The following RPS6KA2 variants were observed in gnomAD, a reference collection of about 807,000 sequenced individuals.
RPS6KA2 encodes ribosomal protein S6 kinase alpha-2.
Under a neutral mutation model 91.8 loss-of-function variants are expected in RPS6KA2, and 42 were observed. The observed-to-expected ratio is 0.46, with a 90% confidence interval of 0.36 to 0.59. The LOEUF (loss-of-function observed/expected upper bound fraction) is 0.59, where lower values mean the gene tolerates loss of function less well. RPS6KA2 is among the 20% of genes least tolerant of loss of function. The probability of loss-of-function intolerance (pLI) is 0.00; values close to 1 mark genes in which losing one functional copy is unlikely to be tolerated. For missense variants in RPS6KA2, 798 were observed against 978.5 expected (o/e 0.82, Z 2.46); for synonymous variants, 414 against 393.6 (o/e 1.05, Z -0.61).
chr6:166,720,107 T>G (rs1790130787), intron 2 of RPS6KA2, among the ~76,000 whole-genome samples: 1 of 152,246 alleles, frequency 6.6e-6, no homozygotes. Context: ...GATTCCTCAT[T>G]GAAATAATTC....
At chr6:166,539,450 G>A (rs1030150262) in intron 1 of RPS6KA2, among the ~76,000 whole-genome samples, 4 of 152,180 alleles carry the variant, frequency 2.6e-5, no homozygotes, top group Admixed American at 2.0e-4. Flanking sequence ...GCATATTGAC[G>A]GGTTCCTAGA....
rs1785841475 is a variant in RPS6KA2 at position 166,603,827 on chromosome 6, G to A, written c.99+23094C>T. ...ACTGTTGTTTGCGATAACAAGTCAG[G>A]GGTGTTAGAGGAGCCAAAGACCCCC... On this transcript the variant is annotated intron_variant, in intron 1 of 20. Transcript: ENST00000265678. This position sits in a 1 kb window ranked among gnomAD's most constrained non-coding sequence, Gnocchi z 4.3. Among the ~76,000 whole-genome samples, 1 of 152,298 alleles carries A rather than the reference G, an allele frequency of 6.6e-6. No homozygotes were observed. Among genetic ancestry groups the A allele is most frequent in the African/African-American group, 2.4e-5 (1 of 41,556 alleles).
chr6:166,719,924 G>T (rs9457196), intron 2 of RPS6KA2, among the ~76,000 whole-genome samples: 6,204 of 152,266 alleles, frequency 0.041, 124 homozygotes, highest in Middle Eastern at 0.065. Flanking sequence ...GTTTCCAGAA[G>T]GAATTTCATG....
At chr6:166,824,182 A>G (rs1779976191) in intron 2 of RPS6KA2, among the ~76,000 whole-genome samples, 1 of 152,222 alleles carries the variant, frequency 6.6e-6, no homozygotes, top group Admixed American at 6.5e-5. Context: ...ACTCCTGCAC[A>G]TGTACCCGAG....
At chr6:166,621,662 G>A (rs1409919712) in intron 1 of RPS6KA2, among the ~76,000 whole-genome samples, 1 of 152,120 alleles carries the variant, frequency 6.6e-6, no homozygotes, top group Non-Finnish European at 1.5e-5. Flanking sequence ...TATTTAATAA[G>A]CACAGATCCT....
At chr6:166,847,039 T>G (rs4710115) in intron 2 of RPS6KA2, among the ~76,000 whole-genome samples, 1 of 151,958 alleles carries the variant, frequency 6.6e-6, no homozygotes, top group East Asian at 1.9e-4. Context: ...AAAAGCTCCT[T>G]TAACTGGTAA....
At chr6:166,475,050 A>G (rs1048027806) in intron 10 of RPS6KA2, among the ~76,000 whole-genome samples, 3 of 152,002 alleles carry the variant, frequency 2.0e-5, no homozygotes, top group African/African-American at 7.3e-5. Context: ...AATCACTCAG[A>G]GTCACCGAGT....
intron 2 of RPS6KA2, among the ~76,000 whole-genome samples, chr6:166,690,261 A>G (rs1417842263): frequency 6.6e-6 from 1 of 152,174 alleles, no homozygotes; most frequent in Non-Finnish European, 1.5e-5. Flanking sequence ...GGGAGTGTCA[A>G]GCTGTCCTTA....
At chr6:166,687,061 C>A (rs1262395905) in intron 2 of RPS6KA2, among the ~76,000 whole-genome samples, 2 of 152,198 alleles carry the variant, frequency 1.3e-5, no homozygotes, top group Non-Finnish European at 2.9e-5. Context: ...GGCATCTGCC[C>A]TGCCTTCACG....
intron 2 of RPS6KA2, among the ~76,000 whole-genome samples, chr6:166,788,793 G>T (rs191046415): frequency 6.6e-6 from 1 of 152,154 alleles, no homozygotes; most frequent in Admixed American, 6.5e-5. Flanking sequence ...CATGACACAT[G>T]TATGTATATG....
At chr6:166,836,411 C>T (rs1361703671) in intron 2 of RPS6KA2, among the ~76,000 whole-genome samples, 1 of 151,212 alleles carries the variant, frequency 6.6e-6, no homozygotes, top group Non-Finnish European at 1.5e-5. Flanking sequence ...AATTAAAAAC[C>T]TTTAATAAAT....
chr6:166,759,056 A>G (rs1778098213), intron 2 of RPS6KA2, among the ~76,000 whole-genome samples: 1 of 148,756 alleles, frequency 6.7e-6, no homozygotes, highest in Non-Finnish European at 1.5e-5. Flanking sequence ...ATCCAGGTCA[A>G]TGTTGCATTC....
intron 3 of RPS6KA2, among the ~76,000 whole-genome samples, chr6:166,515,260 G>A (rs1324420528): frequency 2.0e-5 from 3 of 152,154 alleles, no homozygotes; most frequent in African/African-American, 4.8e-5. Context: ...GCAGGAGGCC[G>A]CTGGTGGAGT....
rs1265712668 is a variant in RPS6KA2 at position 166,448,797 on chromosome 6, T to C, written c.1259A>G (p.Asp420Gly). The change falls in exon 14 of 21, where the codon GAC (aspartate) becomes GGC (glycine). Residue 420 changes from aspartate to glycine, a missense_variant. Coordinates refer to ENST00000265678, the MANE Select transcript of RPS6KA2 (RefSeq NM_021135.6). This position sits in a 1 kb window ranked among gnomAD's most constrained non-coding sequence, Gnocchi z 4.7. ...CACTGAGTAGGAGCCCACCCCGATG[T>C]CCTCCTTGATCTCGTAGCCATCGGT... ...HFTDGYEIKEDIGVGSYSVCK... is the reference protein window; with the variant it reads ...HFTDGYEIKEGIGVGSYSVCK... 1 of 1,613,382 alleles carries C rather than the reference T, an allele frequency of 6.2e-7. No homozygotes were observed. The highest frequency in any genetic ancestry group is 1.3e-5 in the African/African-American group (1 of 74,722).
chr6:166,609,799 G>A (rs997310250), intron 1 of RPS6KA2, among the ~76,000 whole-genome samples: 4 of 151,992 alleles, frequency 2.6e-5, no homozygotes, highest in Admixed American at 6.6e-5. Flanking sequence ...CGTGCCTGGC[G>A]TAAAAGTTTA....
chr6:166,430,415 C>A, intron 16 of RPS6KA2, 38 bp downstream of exon 16: 1 of 1,579,588 alleles, frequency 6.3e-7, no homozygotes, highest in Non-Finnish European at 8.6e-7. Flanking sequence ...CCCTGAAGCT[C>A]CCTCCTCCCC....
rs367814408 is a variant in RPS6KA2, at chr6:166,577,356, T to G, written c.100-38572A>C. 3.3e-5 allele frequency among the ~76,000 whole-genome samples: 5 copies of G among 152,288 alleles called. No individual in the cohort carries two copies. In the East Asian group the frequency reaches 9.7e-4, roughly 29 times the overall value. On this transcript the variant is annotated intron_variant, in intron 1 of 20. Transcript: ENST00000265678. ...CCAACGACAGCTTGCACTGTGTGCC[T>G]GGAAAAGCCTCAGACACTCAACACC...
At position 166,517,455 on chromosome 6, in the gene RPS6KA2, G is replaced by GTTTTTTTTTTTTTT. The variant is rs71032809; in HGVS notation, c.299-7112_299-7099dup. The stretch of plus-strand genomic sequence containing the variant: ...ACCACTTAAGGCGTTCTTTTGTTTT[G>GTTTTTTTTTTTTTT]TTTTTTTTTTTTTTTTTTTTTTTTT... On this transcript the variant is annotated intron_variant, in intron 3 of 20. Transcript: ENST00000265678. 4.5e-4 allele frequency among the ~76,000 whole-genome samples: 47 copies of GTTTTTTTTTTTTTT among 104,926 alleles called. 1 individual carries two copies. Among genetic ancestry groups the GTTTTTTTTTTTTTT allele is most frequent in the Middle Eastern group, 4.9e-3 (1 of 204 alleles). 68.8% of individuals were successfully genotyped at this position (104,926 alleles called of 152,430 possible). A position where few individuals can be genotyped will look rare whatever the true frequency, so the allele number is the denominator to read the frequency against.
At chr6:166,658,813 C>T (rs756648613) in intron 2 of RPS6KA2, among the ~76,000 whole-genome samples, 3 of 152,180 alleles carry the variant, frequency 2.0e-5, no homozygotes, top group Non-Finnish European at 2.9e-5. Flanking sequence ...CTAAACCCTC[C>T]GTGTTCCTCA....
Sources: gnomAD v4.1 joint callset for allele counts (sites outside exome capture counted in the v4.1 genomes callset) on GRCh38, gnomAD v4.1.1 for gene constraint, Gnocchi (gnomAD v3.1) non-coding constraint, MANE v1.5 for transcripts, NCBI Gene and HGNC (gene_info 2026-07-23, HGNC 2026-07-21) for gene names.